CYTH1: variants seen among roughly 807,000 people sequenced by gnomAD.
The protein encoded by CYTH1 is cytohesin-1.
In CYTH1, 18 loss-of-function variants were observed where a neutral mutation model predicts 61.8. The observed-to-expected ratio is 0.29, with a 90% confidence interval of 0.20 to 0.43. The LOEUF is 0.43. CYTH1 is among the 20% of genes least tolerant of loss of function. The probability of loss-of-function intolerance (pLI) is 1.00; values close to 1 mark genes in which losing one functional copy is unlikely to be tolerated. For synonymous variants in CYTH1, 174 were observed against 184.3 expected (o/e 0.94, Z 0.45); for missense variants, 336 against 510.5 (o/e 0.66, Z 3.29).
At chr17:78,701,877 T>G in intron 5 of CYTH1, 126 bp from the exon 6 acceptor site, 1 of 932,374 alleles carries the variant, frequency 1.1e-6, no homozygotes, top group Non-Finnish European at 1.7e-6. Flanking sequence ...AGACAGCCAC[T>G]TGTGCACACT....
intron 13 of CYTH1, chr17:78,676,655 G>T: frequency 3.4e-6 from 1 of 289,982 alleles, no homozygotes; most frequent in Non-Finnish European, 6.7e-6. Flanking sequence ...AGTAACTAAG[G>T]CTCCATGACT....
intron 2 of CYTH1, chr17:78,708,817 G>C (rs2093096677): frequency 6.5e-6 from 1 of 153,926 alleles, no homozygotes; most frequent in African/African-American, 2.4e-5. Context: ...TGGGGCTTAA[G>C]TGGAGAGCTG....
intron 1 of CYTH1, chr17:78,716,852 T>C (rs2144500541): frequency 6.6e-6 from 1 of 152,280 alleles, no homozygotes; most frequent in African/African-American, 2.4e-5. Flanking sequence ...TCCTACAGTC[T>C]TGGCTAGTGT....
intron 11 of CYTH1, among the ~76,000 whole-genome samples, chr17:78,682,786 G>A (rs575863652): frequency 3.3e-5 from 5 of 152,314 alleles, no homozygotes; most frequent in African/African-American, 9.6e-5. Flanking sequence ...CACGACTGCC[G>A]TCCTCTGTGT....
At chr17:78,726,639 T>C (rs2093268366) in intron 1 of CYTH1, among the ~76,000 whole-genome samples, 1 of 150,840 alleles carries the variant, frequency 6.6e-6, no homozygotes, top group South Asian at 2.1e-4. Context: ...CAGGCAGAGG[T>C]GGAAAGGGCA....
chr17:78,712,827 C>T (rs1347525875), intron 1 of CYTH1, among the ~76,000 whole-genome samples: 1 of 152,052 alleles, frequency 6.6e-6, no homozygotes, highest in African/African-American at 2.4e-5. Flanking sequence ...CTAAATCCAA[C>T]CCAGGTCACC....
At chr17:78,779,883 C>G (rs1418450944) in intron 1 of CYTH1, among the ~76,000 whole-genome samples, 5 of 152,244 alleles carry the variant, frequency 3.3e-5, no homozygotes. Flanking sequence ...TTTGAGCCAC[C>G]AGGCTTGTGG....
In CYTH1 at chr17:78,681,195, A is replaced by T; in HGVS notation, c.892-153T>A. Reference sequence around the variant, plus strand: ...GAGGGAACTCCTTACATTCTAAACAAGAATAACACCAAAAATGTCTGAGGA... The same window carrying T: ...GAGGGAACTCCTTACATTCTAAACATGAATAACACCAAAAATGTCTGAGGA... On this transcript the variant is annotated intron_variant, in intron 11 of 13. Coordinates refer to ENST00000446868, the MANE Select transcript of CYTH1 (RefSeq NM_004762.6). The T allele has an allele frequency of 5.9e-6, 4 of 683,572 alleles. No homozygotes were observed. The South Asian group carries it at 7.4e-5, about 13-fold the overall frequency. The allele number at this position is 683,572 out of a possible 1,614,324, so 42.3% of individuals were successfully genotyped here.
intron 1 of CYTH1, among the ~76,000 whole-genome samples, chr17:78,747,145 C>CAAAAAAAAAAAAA (rs56201341): frequency 7.3e-4 from 42 of 57,832 alleles, no homozygotes; most frequent in Non-Finnish European, 8.3e-4. Context: ...ATGGCAGCGC[C>CAAAAAAAAAAAAA]AAAAAAAAAA....
intron 1 of CYTH1, among the ~76,000 whole-genome samples, chr17:78,743,955 T>G (rs949773369): frequency 6.6e-6 from 1 of 152,172 alleles, no homozygotes; most frequent in East Asian, 1.9e-4. Flanking sequence ...TTATTTTTGC[T>G]TAGACTAGTT....
intron 1 of CYTH1, chr17:78,716,938 C>T (rs531797984): frequency 3.9e-5 from 6 of 152,368 alleles, no homozygotes; most frequent in African/African-American, 9.6e-5. Flanking sequence ...CCTCACAGCC[C>T]GGGAGTTTCT....
chr17:78,726,516 T>C (rs1437482793), intron 1 of CYTH1, among the ~76,000 whole-genome samples: 1 of 152,018 alleles, frequency 6.6e-6, no homozygotes, highest in Non-Finnish European at 1.5e-5. Context: ...AGGCAGCCCG[T>C]AAATGCCAAA....
intron 1 of CYTH1, among the ~76,000 whole-genome samples, chr17:78,737,656 C>T (rs935530595): frequency 8.6e-5 from 13 of 151,274 alleles, no homozygotes; most frequent in African/African-American, 2.9e-4. Flanking sequence ...TCAGTTTCAT[C>T]TCCATTATGA....
At chr17:78,722,496 A>C (rs1286091741) in intron 1 of CYTH1, among the ~76,000 whole-genome samples, 1 of 151,992 alleles carries the variant, frequency 6.6e-6, no homozygotes, top group Non-Finnish European at 1.5e-5. Flanking sequence ...CCTCCTCCCA[A>C]GGGGGCAGGC....
intron 1 of CYTH1, among the ~76,000 whole-genome samples, chr17:78,725,518 A>G (rs751859690): frequency 3.3e-5 from 5 of 152,234 alleles, no homozygotes; most frequent in Non-Finnish European, 7.3e-5. Context: ...TGGTTTTTAC[A>G]CAAATACACA....
intron 9 of CYTH1, among the ~76,000 whole-genome samples, chr17:78,697,118 G>A (rs1411514769): frequency 2.6e-5 from 4 of 152,136 alleles, no homozygotes; most frequent in African/African-American, 9.7e-5. Flanking sequence ...GAAATATAAA[G>A]TCTACTGCTA....
rs375736310 is a variant in CYTH1, at chr17:78,759,303, C to T, written c.22+22899G>A. ...GTAAGTGGACGCAGCCTCAGTTCTT[C>T]GTAGGTCTCATGCGCCTAGCAGTCT... On this transcript the variant is annotated intron_variant, in intron 1 of 13. Transcript: ENST00000446868. 8.1e-4 allele frequency among the ~76,000 whole-genome samples: 124 copies of T among 152,250 alleles called. 1 individual carries two copies. Among genetic ancestry groups the T allele is most frequent in the African/African-American group, 2.8e-3 (118 of 41,546 alleles).
intron 11 of CYTH1, among the ~76,000 whole-genome samples, chr17:78,685,539 G>A (rs1002956143): frequency 5.9e-5 from 9 of 151,910 alleles, no homozygotes; most frequent in Non-Finnish European, 1.2e-4. Flanking sequence ...AGTATATTTT[G>A]GTATTAGTTC....
intron 1 of CYTH1, among the ~76,000 whole-genome samples, chr17:78,738,132 A>G (rs2093328484): frequency 6.6e-6 from 1 of 152,178 alleles, no homozygotes; most frequent in African/African-American, 2.4e-5. Context: ...AATTCTCACA[A>G]GTAGAACTGC....
Sources: allele counts gnomAD v4.1 joint callset (sites outside exome capture counted in the v4.1 genomes callset), GRCh38; gene constraint gnomAD v4.1.1; transcripts MANE v1.5; gene names NCBI Gene and HGNC (gene_info 2026-07-23, HGNC 2026-07-21).